CILK1: variants seen among roughly 807,000 people sequenced by gnomAD.
CILK1 encodes the protein serine/threonine-protein kinase ICK.
Under a neutral mutation model 79.2 loss-of-function variants are expected in CILK1, and 47 were observed. The observed-to-expected ratio is 0.59, with a 90% CI of 0.47 to 0.76. The LOEUF (loss-of-function observed/expected upper bound fraction) is 0.76. CILK1 is among the 30% of genes least tolerant of loss of function. The pLI is 0.00. For missense variants in CILK1, 660 were observed against 769.5 expected, an observed-to-expected ratio of 0.86 and a Z score of 1.68; for synonymous variants, 266 against 275.9, an observed-to-expected ratio of 0.96 and a Z score of 0.36.
intron 2 of CILK1, among the ~76,000 whole-genome samples, chr6:53,039,656 T>C (rs1011258647): frequency 2.0e-5 from 3 of 152,300 alleles, no homozygotes; most frequent in African/African-American, 7.2e-5. Context: ...GGCATGGGCA[T>C]AGAGCTGTGC....
intron 7 of CILK1, 102 bp from the exon 8 acceptor site, chr6:53,016,352 AC>A: frequency 9.0e-7 from 1 of 1,105,730 alleles, no homozygotes; most frequent in Non-Finnish European, 1.4e-6. Context: ...CCATGTCATT[AC>A]CCACCCACAT....
rs1766698931 is a variant in CILK1 at position 53,041,376 on chromosome 6, C to T, written c.-140G>A. 3.0e-6 allele frequency: 2 copies of T among 673,198 alleles called. No homozygotes were observed. Among genetic ancestry groups the T allele is most frequent in the Non-Finnish European group, 2.7e-6 (1 of 367,736 alleles). 41.7% of individuals were successfully genotyped at this position (673,198 alleles called of 1,614,324 possible). A position where few individuals can be genotyped will look rare whatever the true frequency, so the allele number is the denominator to read the frequency against. On this transcript the variant is annotated 5_prime_UTR_variant, in exon 2 of 14. Transcript: ENST00000676107. ...GTATTCAATAGGACGTGACTGTCTC[C>T]CAAATACATATTTCCAAAAATCAGT... is the stretch of plus-strand genomic sequence containing the variant.
chr6:53,007,653 G>A (rs1205872248), intron 12 of CILK1, among the ~76,000 whole-genome samples: 1 of 152,054 alleles, frequency 6.6e-6, no homozygotes, highest in African/African-American at 2.4e-5. Context: ...ACTCTGGCTG[G>A]GCATGGTGGC....
chr6:53,024,863 TTGCTG>T (rs1205675220), intron 5 of CILK1, among the ~76,000 whole-genome samples: 1 of 147,880 alleles, frequency 6.8e-6, no homozygotes, highest in Non-Finnish European at 1.5e-5. Context: ...AGACAGAGTC[TTGCTG>T]GTCGCCCAGG....
At chr6:53,019,770 G>C (rs937057878) in intron 5 of CILK1, among the ~76,000 whole-genome samples, 6 of 151,926 alleles carry the variant, frequency 3.9e-5, no homozygotes, top group Admixed American at 2.0e-4. Flanking sequence ...TGATCCTCCT[G>C]TCTCAGCCTT....
chr6:53,014,991 C>T (rs1265841150), intron 8 of CILK1, among the ~76,000 whole-genome samples: 1 of 152,228 alleles, frequency 6.6e-6, no homozygotes, highest in Non-Finnish European at 1.5e-5. Context: ...TTCCTGAGAG[C>T]TTTCCAGCCC....
intron 1 of CILK1, among the ~76,000 whole-genome samples, chr6:53,052,845 A>G (rs539064768): frequency 1.3e-5 from 2 of 152,198 alleles, no homozygotes; most frequent in Non-Finnish European, 2.9e-5. Flanking sequence ...CTTCACGGTA[A>G]TAAGAAGTGG....
intron 5 of CILK1, 51 bp from the exon 6 acceptor site, chr6:53,019,410 T>A (rs1272521558): frequency 1.2e-6 from 2 of 1,602,858 alleles, no homozygotes; most frequent in African/African-American, 1.3e-5. Flanking sequence ...TGCTTCGTAT[T>A]ATTCTTTGCA....
intron 5 of CILK1, among the ~76,000 whole-genome samples, chr6:53,028,449 C>T (rs1765720795): frequency 6.6e-6 from 1 of 152,248 alleles, no homozygotes; most frequent in Non-Finnish European, 1.5e-5. Context: ...CACTCAACCA[C>T]TTTATTGCAA....
rs779572402 is a variant in CILK1, at chr6:53,051,689, A to G, written c.-173+9907T>C. On this transcript the variant is annotated intron_variant, in intron 1 of 13. Transcript: ENST00000676107. ...TGATTCAATCACATCTGCAAGGTCC[A>G]TTGTGTCATATAAAGTAACACTCAC... Among the ~76,000 whole-genome samples the G allele has an allele frequency of 5.3e-5, 8 of 152,212 alleles. No individual in the cohort carries two copies. The East Asian group carries it at 7.7e-4, about 15-fold the overall frequency.
intron 2 of CILK1, 102 bp from the exon 3 acceptor site, chr6:53,038,095 T>A: frequency 1.3e-6 from 1 of 772,250 alleles, no homozygotes; most frequent in Non-Finnish European, 2.3e-6. Context: ...TAACAGTACT[T>A]AAAGTGGGTT....
rs902342576 is a variant in CILK1 at position 53,013,706 on chromosome 6, T to C, written c.1108A>G (p.Ser370Gly). Residue 370 changes from serine (S) to glycine (G), a missense_variant, in exon 9 of 14, where the codon AGC becomes GGC. By Grantham distance (56) the Ser-to-Gly change is moderately conservative. Coordinates refer to ENST00000676107, the MANE Select transcript of CILK1 (RefSeq NM_014920.5). ...TGGAGGGATGGGAAAAGCAACGGGC[T>C]TGGCTTGTCCTCCTGGAGATGGCTT... ...HPSHLQEDKP[S>G]PLLFPSLHNK... 2 of 1,584,160 alleles carry C rather than the reference T, an allele frequency of 1.3e-6. No individual in the cohort carries two copies. The highest frequency in any genetic ancestry group is 1.7e-6 in the Non-Finnish European group (2 of 1,154,106).
intron 5 of CILK1, 96 bp downstream of exon 5, chr6:53,030,969 G>T: frequency 1.2e-6 from 1 of 830,228 alleles, no homozygotes. Flanking sequence ...ACCTTTTCTG[G>T]GAGTCAGCTA....
chr6:53,054,721 C>G (rs1295504041), intron 1 of CILK1: 2 of 152,352 alleles, frequency 1.3e-5, no homozygotes, highest in East Asian at 1.9e-4. Context: ...AGAAAGACAG[C>G]TTTATCTCTC....
Position 53,044,173 on chromosome 6 carries a change from C to T in CILK1, c.-172-2765G>A, listed in dbSNP as rs533995033. On this transcript the variant is annotated intron_variant, in intron 1 of 13. Transcript: ENST00000676107. ...CCAGGGCTGTAAACCAGTCTGTGGCCTGTTAGGAGCTGGGCCACACAGCAG... is the reference window on the plus strand; with the variant it reads ...CCAGGGCTGTAAACCAGTCTGTGGCTTGTTAGGAGCTGGGCCACACAGCAG... Among the ~76,000 whole-genome samples, 17 of 152,280 alleles carry T rather than the reference C, an allele frequency of 1.1e-4. No homozygotes were observed. In the East Asian group the frequency reaches 1.4e-3, roughly 12 times the overall value.
intron 1 of CILK1, among the ~76,000 whole-genome samples, chr6:53,056,170 G>A (rs1272835864): frequency 1.3e-5 from 2 of 152,162 alleles, no homozygotes; most frequent in African/African-American, 4.8e-5. Flanking sequence ...GTAGTTACAA[G>A]GACAGCCACA....
At position 53,005,323 on chromosome 6, in the gene CILK1, C is replaced by T. The variant is rs1341753626; in HGVS notation, c.1745-20G>A. 1 of 1,613,978 alleles carries T rather than the reference C, an allele frequency of 6.2e-7. No homozygotes were observed. The highest frequency in any genetic ancestry group is 1.6e-4 in the Middle Eastern group (1 of 6,062). ...AATAACCTGCAATGAAAGAAAAAGG[C>T]CGGCATGACTGATATGGGGCCAATG... On this transcript the variant is annotated intron_variant, in intron 13 of 13. Transcript: ENST00000676107.
At chr6:53,056,552 A>G (rs1767888093) in intron 1 of CILK1, among the ~76,000 whole-genome samples, 1 of 152,218 alleles carries the variant, frequency 6.6e-6, no homozygotes, top group South Asian at 2.1e-4. Flanking sequence ...AAATCCCCCA[A>G]ATAAGCAGAA....
chr6:53,031,015 A>G (rs748731770), intron 5 of CILK1, 50 bp downstream of exon 5: 6 of 1,262,304 alleles, frequency 4.8e-6, no homozygotes, highest in East Asian at 2.3e-5. Flanking sequence ...CTTCTACTTG[A>G]TAACAACATT....
Sources: gnomAD v4.1 joint callset for allele counts (sites outside exome capture counted in the v4.1 genomes callset) on GRCh38, gnomAD v4.1.1 for gene constraint, MANE v1.5 for transcripts, NCBI Gene and HGNC (gene_info 2026-07-23, HGNC 2026-07-21) for gene names.